The following RIMS2 variants were observed in gnomAD, a reference collection of about 807,000 sequenced individuals.
RIMS2 encodes the protein regulating synaptic membrane exocytosis protein 2.
RIMS2 carries 59 observed loss-of-function variants against 174.4 expected under a neutral mutation model. The observed-to-expected ratio is 0.34, with a 90% confidence interval of 0.27 to 0.42. RIMS2 has a LOEUF of 0.42. Ranked by LOEUF, RIMS2 falls within the 10% of genes least tolerant of loss-of-function variation. The probability of loss-of-function intolerance (pLI) is 1.00; values close to 1 mark genes in which losing one functional copy is unlikely to be tolerated. For missense variants in RIMS2, 1,620 were observed against 1,666.3 expected (o/e 0.97, Z 0.48); for synonymous variants, 606 against 572.5 (o/e 1.06, Z -0.84).
At chr8:104,169,839 C>A (rs1004219902) in intron 19 of RIMS2, among the ~76,000 whole-genome samples, 1 of 151,880 alleles carries the variant, frequency 6.6e-6, no homozygotes, top group Non-Finnish European at 1.5e-5. Context: ...CTTATCACTG[C>A]TTTTGCCAGA....
intron 2 of RIMS2, among the ~76,000 whole-genome samples, chr8:103,732,885 G>C (rs1257068309): frequency 6.6e-6 from 1 of 152,146 alleles, no homozygotes; most frequent in East Asian, 1.9e-4. Context: ...AGGAGTGAAG[G>C]CTTGGAAGTG....
At chr8:103,918,684 T>G (rs1236871453) in intron 9 of RIMS2, 197 bp downstream of exon 12, 1 of 548,910 alleles carries the variant, frequency 1.8e-6, no homozygotes. Flanking sequence ...TTTTAAGTTT[T>G]TTTTAAACAT....
At chr8:104,204,148 T>C (rs2099068681) in intron 19 of RIMS2, among the ~76,000 whole-genome samples, 1 of 152,222 alleles carries the variant, frequency 6.6e-6, no homozygotes, top group African/African-American at 2.4e-5. Flanking sequence ...CCATAAAACC[T>C]GTGGGCAGTT....
chr8:104,251,054 A>C, exon 23 of RIMS2: 3 of 1,613,466 alleles, frequency 1.9e-6, no homozygotes, highest in Non-Finnish European at 2.5e-6. Context: ...CTATTAGATA[A>C]CGGAGTCTGC....
At chr8:103,627,460 T>G (rs917055087) in intron 1 of RIMS2, among the ~76,000 whole-genome samples, 1 of 152,190 alleles carries the variant, frequency 6.6e-6, no homozygotes, top group Non-Finnish European at 1.5e-5. Context: ...GATTAAGAGA[T>G]TAAAGACAGG....
chr8:104,062,211 C>T (rs931088248), intron 19 of RIMS2, among the ~76,000 whole-genome samples: 1 of 152,050 alleles, frequency 6.6e-6, no homozygotes, highest in African/African-American at 2.4e-5. Flanking sequence ...CAAGACCATC[C>T]TGGCCAACAT....
At chr8:103,896,276 T>A (rs1276878652) in intron 4 of RIMS2, among the ~76,000 whole-genome samples, 1 of 151,658 alleles carries the variant, frequency 6.6e-6, no homozygotes, top group Non-Finnish European at 1.5e-5. Flanking sequence ...AAATCAAGTT[T>A]ATGTCTTCTG....
chr8:103,939,781 A>T (rs185614857), intron 13 of RIMS2, among the ~76,000 whole-genome samples: 1 of 152,272 alleles, frequency 6.6e-6, no homozygotes, highest in East Asian at 1.9e-4. Flanking sequence ...GTTCCACCAG[A>T]TAGCCTAAAT....
intron 19 of RIMS2, among the ~76,000 whole-genome samples, chr8:104,054,193 C>G (rs1237957918): frequency 2.0e-5 from 3 of 152,096 alleles, no homozygotes; most frequent in Admixed American, 2.0e-4. Flanking sequence ...TTGTTAATTC[C>G]TGTTTATTCT....
At chr8:103,602,982 C>A (rs943139894) in intron 1 of RIMS2, among the ~76,000 whole-genome samples, 2 of 151,958 alleles carry the variant, frequency 1.3e-5, no homozygotes, top group East Asian at 3.9e-4. Flanking sequence ...TATTTTTTGA[C>A]TTTTTTATTT....
rs182513210 is a variant in RIMS2 at position 103,754,752 on chromosome 8, C to T, written c.388-11475C>T. 2.0e-4 allele frequency among the ~76,000 whole-genome samples: 30 copies of T among 151,972 alleles called. No individual in the cohort carries two copies. In the East Asian group the frequency reaches 4.4e-3, roughly 23 times the overall value. ...TTTTATCAGAGACTAGGATTATAAC[C>T]CCTGCTTTTTTTTGCTTTCCACCTG... On this transcript the variant is annotated intron_variant, in intron 2 of 23. Transcript: ENST00000504942.
At chr8:104,098,300 A>T (rs1379657827) in intron 19 of RIMS2, among the ~76,000 whole-genome samples, 1 of 152,154 alleles carries the variant, frequency 6.6e-6, no homozygotes, top group Non-Finnish European at 1.5e-5. Flanking sequence ...TAAGCCTGAG[A>T]GTGATGCAGT....
At chr8:103,813,412 C>CTTTCTTTCTTTCTTTCTTTA (rs542732882) in intron 3 of RIMS2, among the ~76,000 whole-genome samples, 139 of 151,680 alleles carry the variant, frequency 9.2e-4, no homozygotes, top group African/African-American at 3.2e-3. Context: ...TTCTTTCTTT[C>CTTTCTTTCTTTCTTTCTTTA]TTTATTATAC....
intron 14 of RIMS2, among the ~76,000 whole-genome samples, chr8:103,949,834 A>G (rs2084886254): frequency 6.6e-6 from 1 of 152,128 alleles, no homozygotes. Flanking sequence ...GAGAAAGTAA[A>G]TCGAACCAAA....
chr8:103,870,071 G>A (rs910560846), intron 3 of RIMS2, among the ~76,000 whole-genome samples: 2 of 151,656 alleles, frequency 1.3e-5, no homozygotes, highest in African/African-American at 2.4e-5. Context: ...TGTGTACTAG[G>A]GGGTATCAGA....
chr8:103,949,190 A>G (rs2084698829), intron 14 of RIMS2, among the ~76,000 whole-genome samples: 1 of 151,260 alleles, frequency 6.6e-6, no homozygotes, highest in African/African-American at 2.4e-5. Flanking sequence ...AAGGGAGAAG[A>G]GAAGAGAAAA....
chr8:103,947,751 A>G (rs1337825072), intron 14 of RIMS2, among the ~76,000 whole-genome samples: 3 of 152,206 alleles, frequency 2.0e-5, no homozygotes, highest in Non-Finnish European at 2.9e-5. Context: ...AGTAGACTTT[A>G]TAAACATCGA....
exon 20 of RIMS2, chr8:104,245,015 A>C: frequency 5.0e-6 from 8 of 1,613,974 alleles, no homozygotes; most frequent in Non-Finnish European, 5.9e-6. Flanking sequence ...GCAAGCCGAG[A>C]GTCTACAGAT....
chr8:104,109,494 AT>A lies in RIMS2; in HGVS notation c.3334+94886del, dbSNP rs577457858. On this transcript the variant is annotated intron_variant, in intron 19 of 23. Transcript: ENST00000504942. ...TCACATACTGGGGATAATAATAGTA[AT>A]TTTTTTAGAGGGTTGTCATGAGAAC... 3.3e-5 allele frequency among the ~76,000 whole-genome samples: 5 copies of A among 152,106 alleles called. No individual in the cohort carries two copies. The East Asian group carries it at 9.7e-4, about 29-fold the overall frequency.
Sources: allele counts gnomAD v4.1 joint callset (sites outside exome capture counted in the v4.1 genomes callset), GRCh38; gene constraint gnomAD v4.1.1; transcripts MANE v1.5; gene names NCBI Gene and HGNC (gene_info 2026-07-23, HGNC 2026-07-21).